The following RASA3 variants were observed in gnomAD, a reference collection of about 807,000 sequenced individuals.
The protein encoded by RASA3 is ras GTPase-activating protein 3.
RASA3 carries 73 observed loss-of-function variants against 110.0 expected under a neutral mutation model. The observed-to-expected ratio is 0.66, with a 90% CI of 0.55 to 0.81. RASA3 has a LOEUF of 0.81. Ranked by LOEUF, RASA3 falls within the 30% of genes least tolerant of loss-of-function variation. The pLI, the probability that RASA3 is intolerant of heterozygous loss-of-function variation, is 0.00. For synonymous variants in RASA3, 500 were observed against 451.4 expected (o/e 1.11, Z -1.37); for missense variants, 976 against 1,113.2 (o/e 0.88, Z 1.75).
At chr13:114,018,316 A>G in intron 10 of RASA3, 64 bp from the exon 11 acceptor site, 1 of 1,491,854 alleles carries the variant, frequency 6.7e-7, no homozygotes, top group South Asian at 1.3e-5. Context: ...GCCTGTCCCC[A>G]CCTTGGCTGG....
At chr13:113,988,769 A>C in intron 22 of RASA3, among the ~76,000 whole-genome samples, 1 of 101,550 alleles carries the variant, frequency 9.8e-6, no homozygotes, top group African/African-American at 4.2e-5. Context: ...TTGGTCCATG[A>C]ACCTAACACT....
chr13:114,121,242 C>T (rs1038569010), intron 1 of RASA3, among the ~76,000 whole-genome samples: 9 of 152,230 alleles, frequency 5.9e-5, no homozygotes, highest in African/African-American at 1.7e-4. Context: ...TTCGGACCCC[C>T]GTGCCCCAAA....
At chr13:114,063,062 G>C (rs967264867) in intron 2 of RASA3, among the ~76,000 whole-genome samples, 2 of 152,206 alleles carry the variant, frequency 1.3e-5, no homozygotes, top group East Asian at 3.8e-4. Flanking sequence ...AGATGAAAAT[G>C]TTCTAAAATT....
intron 22 of RASA3, among the ~76,000 whole-genome samples, chr13:113,982,913 C>A (rs752449432): frequency 2.0e-5 from 3 of 152,236 alleles, no homozygotes; most frequent in Non-Finnish European, 4.4e-5. Flanking sequence ...ACGCCCGGAT[C>A]TCAAGCTTCT....
chr13:114,101,747 C>T (rs568540713), intron 1 of RASA3, among the ~76,000 whole-genome samples: 9 of 152,332 alleles, frequency 5.9e-5, no homozygotes, highest in African/African-American at 1.9e-4. Flanking sequence ...ACTGCTGTGG[C>T]TGCACCCGGG....
chr13:114,082,350 A>C (rs1185686588), intron 1 of RASA3, among the ~76,000 whole-genome samples: 4 of 152,242 alleles, frequency 2.6e-5, no homozygotes, highest in Non-Finnish European at 5.9e-5. Context: ...GCCTGCACAC[A>C]TATCGGCTGC....
intron 1 of RASA3, among the ~76,000 whole-genome samples, chr13:114,130,285 G>A (rs1418316192): frequency 6.6e-6 from 1 of 152,200 alleles, no homozygotes; most frequent in African/African-American, 2.4e-5. Flanking sequence ...AGAGGAAACG[G>A]GGACTTCTTG....
intron 14 of RASA3, among the ~76,000 whole-genome samples, chr13:114,013,830 GTCTGTCTCTC>G: frequency 9.9e-6 from 1 of 101,522 alleles, no homozygotes; most frequent in Non-Finnish European, 2.0e-5. Context: ...CTTTCTCTCC[GTCTGTCTCTC>G]TCTCCATCTC....
intron 1 of RASA3, among the ~76,000 whole-genome samples, chr13:114,083,250 C>G (rs558036633): frequency 7.3e-4 from 111 of 152,320 alleles, no homozygotes; most frequent in African/African-American, 2.6e-3. Context: ...CCGCTATATA[C>G]AAGATTATTT....
chr13:113,980,377 G>A (rs11618674), intron 23 of RASA3, among the ~76,000 whole-genome samples: 43,317 of 142,816 alleles, frequency 0.3, 7,044 homozygotes, highest in Non-Finnish European at 0.37. Flanking sequence ...TCCTCCGTGT[G>A]TGTGCCTCCT....
At chr13:114,097,818 C>T (rs552120855) in intron 1 of RASA3, among the ~76,000 whole-genome samples, 13 of 152,292 alleles carry the variant, frequency 8.5e-5, no homozygotes, top group South Asian at 8.3e-4. Context: ...GCAGCCTATG[C>T]GGAGTGGATG....
Position 114,000,797 on chromosome 13 carries a change from G to A in RASA3, c.1849+29C>T, listed in dbSNP as rs145343029. 3 of 1,503,636 alleles carry A rather than the reference G, an allele frequency of 2.0e-6. No individual in the cohort carries two copies. In the African/African-American group the frequency reaches 4.1e-5, roughly 21 times the overall value. 93.1% of individuals were successfully genotyped at this position (1,503,636 alleles called of 1,614,324 possible). ...CCCAGGGCCCAGCACGCTCCAGCAAGAGCCAGGGAAAGCGACCTTGCTCCT... is the reference window on the plus strand; with the variant it reads ...CCCAGGGCCCAGCACGCTCCAGCAAAAGCCAGGGAAAGCGACCTTGCTCCT... On this transcript the variant is annotated intron_variant, in intron 19 of 23. Transcript: ENST00000334062.
chr13:114,019,765 G>C (rs1298228004), intron 9 of RASA3, among the ~76,000 whole-genome samples: 8 of 150,542 alleles, frequency 5.3e-5, no homozygotes, highest in African/African-American at 2.0e-4. Flanking sequence ...GGTGGGTGGA[G>C]CCTGTGTCCG....
Position 114,009,413 on chromosome 13 carries a change from G to C in RASA3, c.1642C>G (p.Gln548Glu), listed in dbSNP as rs1452219792. Residue 548 changes from glutamine to glutamate, a missense_variant, in exon 17 of 24, where the codon CAG (glutamine) becomes GAG (glutamate). Physicochemically the swap from Gln to Glu is conservative, Grantham distance 29. Around this residue, in one of 4 missense-constraint regions of RASA3, gnomAD observed 732 missense variants for 779.7 expected, o/e 0.94. Transcript: ENST00000334062. ...TTCTTCACCGCATCAGCATATTTCT[G>C]CTCATTGAAGAATTCATAAAATGTA... ...MATFYEFFNE[Q>E]KYADAVKNFL... The C allele has an allele frequency of 6.2e-7, 1 of 1,612,270 alleles. No homozygotes were observed. Among genetic ancestry groups the C allele is most frequent in the Non-Finnish European group, 8.5e-7 (1 of 1,179,498 alleles).
intron 1 of RASA3, among the ~76,000 whole-genome samples, chr13:114,094,298 T>C (rs1292363667): frequency 6.6e-6 from 1 of 152,180 alleles, no homozygotes; most frequent in Non-Finnish European, 1.5e-5. Flanking sequence ...CTTAAAAGAA[T>C]TGAAAACTGG....
chr13:114,027,706 C>G (rs929550618), intron 6 of RASA3, 141 bp downstream of exon 6: 2 of 960,240 alleles, frequency 2.1e-6, no homozygotes, highest in South Asian at 1.4e-5. Flanking sequence ...ATAAAGAAAA[C>G]AAAAGGAAGT....
At position 114,017,325 on chromosome 13, in the gene RASA3, T is replaced by C. The variant is rs1432064508; in HGVS notation, c.1118A>G (p.Asn373Ser). Reference sequence around the variant, plus strand: ...GTCGATGCACTTGGACGCCAGTGAGTTTCCTCGGAAGATGGTGTTGGGGTC... The same window carrying C: ...GTCGATGCACTTGGACGCCAGTGAGCTTCCTCGGAAGATGGTGTTGGGGTC... ...TQDPNTIFRG[N>S]SLASKCIDET... Residue 373 changes from asparagine (N) to serine (S), a missense_variant, in exon 12 of 24, where the codon AAC (asparagine) becomes AGC (serine). This residue lies in a region of RASA3 where 732 missense variants were observed against 779.7 expected (regional missense o/e 0.94). Transcript: ENST00000334062. The C allele has an allele frequency of 6.2e-7, 1 of 1,613,746 alleles. No homozygotes were observed. The highest frequency in any genetic ancestry group is 1.3e-5 in the African/African-American group (1 of 74,888).
intron 2 of RASA3, among the ~76,000 whole-genome samples, chr13:114,055,737 C>T (rs936265829): frequency 1.3e-5 from 2 of 152,174 alleles, no homozygotes; most frequent in African/African-American, 4.8e-5. Flanking sequence ...TTTCCAGCCC[C>T]GTTCGCTCCC....
At chr13:114,063,983 T>C (rs2079404251) in intron 2 of RASA3, among the ~76,000 whole-genome samples, 1 of 152,228 alleles carries the variant, frequency 6.6e-6, no homozygotes, top group Non-Finnish European at 1.5e-5. Flanking sequence ...TGTTTTCTAT[T>C]AGAATGACCA....
Sources: gnomAD v4.1 joint callset for allele counts (sites outside exome capture counted in the v4.1 genomes callset) on GRCh38, gnomAD v4.1.1 for gene constraint, gnomAD v4.1.1 regional missense constraint, MANE v1.5 for transcripts, NCBI Gene and HGNC (gene_info 2026-07-23, HGNC 2026-07-21) for gene names.